CYB5A: variants seen among roughly 807,000 people sequenced by gnomAD.
CYB5A encodes cytochrome b5.
Under a neutral mutation model 16.2 loss-of-function variants are expected in CYB5A, and 10 were observed. That is an observed-to-expected ratio of 0.62 (90% confidence interval 0.38 to 1.04). CYB5A has a LOEUF of 1.04. Among genes scored for constraint, CYB5A ranks in the 50% least tolerant of loss-of-function variants. The probability of loss-of-function intolerance (pLI) is 0.01; values close to 1 mark genes in which losing one functional copy is unlikely to be tolerated. For synonymous variants in CYB5A, 62 were observed against 57.0 expected (o/e 1.09, Z -0.40); for missense variants, 161 against 165.9 (o/e 0.97, Z 0.16).
chr18:74,253,563 C>A lies in CYB5A; in HGVS notation c.*21G>T, dbSNP rs111303909. On this transcript the variant is annotated 3_prime_UTR_variant, in exon 5 of 5. Transcript: ENST00000340533. ...CCGTGTCCAAAGCAGGCTCTTCCTG[C>A]GCTGACTTCTGAGGAGGTGTTCAGT... 1 of 1,566,910 alleles carries A rather than the reference C, an allele frequency of 6.4e-7. No homozygotes were observed. Among genetic ancestry groups the A allele is most frequent in the Non-Finnish European group, 8.8e-7 (1 of 1,138,138 alleles).
chr18:74,275,513 T>C (rs1982836108), intron 1 of CYB5A, among the ~76,000 whole-genome samples: 1 of 152,190 alleles, frequency 6.6e-6, no homozygotes, highest in Non-Finnish European at 1.5e-5. Context: ...ATCACTTCTT[T>C]AGGGCAAATA....
At chr18:74,270,368 T>A (rs1982624448) in intron 1 of CYB5A, among the ~76,000 whole-genome samples, 1 of 152,118 alleles carries the variant, frequency 6.6e-6, no homozygotes, top group African/African-American at 2.4e-5. Flanking sequence ...CGCAGTGAGC[T>A]ATGACTGCAT....
chr18:74,274,415 A>G (rs1400799274), intron 1 of CYB5A, among the ~76,000 whole-genome samples: 1 of 152,252 alleles, frequency 6.6e-6, no homozygotes, highest in Admixed American at 6.5e-5. Flanking sequence ...ATCTATAAAA[A>G]CTGGCAAGAT....
intron 1 of CYB5A, among the ~76,000 whole-genome samples, chr18:74,270,905 TCTCTAA>T (rs1037788423): frequency 1.1e-4 from 16 of 152,194 alleles, no homozygotes; most frequent in African/African-American, 3.9e-4. Flanking sequence ...CATCACTGTT[TCTCTAA>T]CTCTTAGTTC....
rs1599241749 is a variant in CYB5A at position 74,253,167 on chromosome 18, C to T, written c.*417G>A. The T allele has an allele frequency of 4.2e-6, 1 of 239,300 alleles. No homozygotes were observed. The allele number at this position is 239,300 out of a possible 1,614,324, so 14.8% of individuals were successfully genotyped here. A position where few individuals can be genotyped will look rare whatever the true frequency, so the allele number is the denominator to read the frequency against. On this transcript the variant is annotated 3_prime_UTR_variant, in exon 5 of 5. Transcript: ENST00000340533. Reference sequence around the variant, plus strand: ...GACGATGTGAAAGGAGACACTCAAACCTATTTCCCGCACCTCCAGTCATAT... The same window carrying T: ...GACGATGTGAAAGGAGACACTCAAATCTATTTCCCGCACCTCCAGTCATAT...
intron 1 of CYB5A, among the ~76,000 whole-genome samples, chr18:74,286,697 C>G (rs1186417211): frequency 1.3e-5 from 2 of 152,180 alleles, no homozygotes; most frequent in Non-Finnish European, 2.9e-5. Flanking sequence ...GAATGCCCAG[C>G]GGGACAGGGT....
chr18:74,262,606 A>G (rs769727129), intron 2 of CYB5A, among the ~76,000 whole-genome samples: 1 of 152,240 alleles, frequency 6.6e-6, no homozygotes, highest in Non-Finnish European at 1.5e-5. Flanking sequence ...GGCAGAGCTT[A>G]TTCATTTCAC....
At position 74,260,699 on chromosome 18, in the gene CYB5A, C is replaced by T. The variant is rs1599248087; in HGVS notation, c.288+216G>A. 3 of 633,590 alleles carry T rather than the reference C, an allele frequency of 4.7e-6. No homozygotes were observed. The East Asian group carries it at 9.4e-5, about 20-fold the overall frequency. 39.2% of individuals were successfully genotyped at this position (633,590 alleles called of 1,614,324 possible). A position where few individuals can be genotyped will look rare whatever the true frequency, so the allele number is the denominator to read the frequency against. ...TATGATGAAAAAAGTAGTTTACTGA[C>T]AGCCTTAAAAAAATTACACACACGC... On this transcript the variant is annotated intron_variant, in intron 3 of 4. Coordinates refer to ENST00000340533, the MANE Select transcript of CYB5A (RefSeq NM_148923.4).
At chr18:74,255,616 C>T (rs768984187) in intron 4 of CYB5A, 125 bp downstream of exon 4, 14 of 811,214 alleles carry the variant, frequency 1.7e-5, no homozygotes, top group Admixed American at 5.6e-5. Context: ...TGGCCTTCAG[C>T]AGAAGGTTGC....
At chr18:74,255,423 C>T (rs558440072) in intron 4 of CYB5A, among the ~76,000 whole-genome samples, 5 of 152,316 alleles carry the variant, frequency 3.3e-5, no homozygotes, top group Admixed American at 6.5e-5. Context: ...GAAATGTCTG[C>T]TTGGATGAGC....
chr18:74,277,798 T>G (rs1391854423), intron 1 of CYB5A, among the ~76,000 whole-genome samples: 1 of 152,210 alleles, frequency 6.6e-6, no homozygotes, highest in African/African-American at 2.4e-5. Flanking sequence ...ATAGAGGCCC[T>G]GAGGCAGAAC....
chr18:74,289,521 A>G (rs1983446857), intron 1 of CYB5A, among the ~76,000 whole-genome samples: 1 of 152,178 alleles, frequency 6.6e-6, no homozygotes, highest in Admixed American at 6.5e-5. Context: ...CACGCCTGTA[A>G]TCCCAGCACT....
intron 1 of CYB5A, among the ~76,000 whole-genome samples, chr18:74,290,462 C>A (rs113318123): frequency 0.03 from 4,520 of 152,190 alleles, 182 homozygotes; most frequent in East Asian, 0.18. Flanking sequence ...TCAAGCTGGT[C>A]TCGAACTCCT....
chr18:74,280,320 T>C (rs1159658573), intron 1 of CYB5A, among the ~76,000 whole-genome samples: 1 of 151,966 alleles, frequency 6.6e-6, no homozygotes, highest in Non-Finnish European at 1.5e-5. Flanking sequence ...TCCTGGCACT[T>C]TGGGAGGCCA....
chr18:74,281,706 G>T (rs779466816), intron 1 of CYB5A, among the ~76,000 whole-genome samples: 1 of 151,278 alleles, frequency 6.6e-6, no homozygotes, highest in Non-Finnish European at 1.5e-5. Context: ...GCAGAAAAAT[G>T]AGGAAATCCT....
chr18:74,278,647 A>C (rs1982973997), intron 1 of CYB5A, among the ~76,000 whole-genome samples: 1 of 152,248 alleles, frequency 6.6e-6, no homozygotes, highest in African/African-American at 2.4e-5. Context: ...TGATAAAAAT[A>C]ATAGACATTT....
intron 1 of CYB5A, among the ~76,000 whole-genome samples, chr18:74,276,957 GC>G (rs1982906609): frequency 1.3e-5 from 2 of 152,220 alleles, no homozygotes; most frequent in Non-Finnish European, 2.9e-5. Flanking sequence ...TAAATGCAAT[GC>G]TAAGTGACTG....
At chr18:74,275,093 T>C (rs1439170446) in intron 1 of CYB5A, among the ~76,000 whole-genome samples, 1 of 152,194 alleles carries the variant, frequency 6.6e-6, no homozygotes, top group Non-Finnish European at 1.5e-5. Context: ...CAAATGCCTC[T>C]GGAACTTCTC....
In CYB5A at chr18:74,263,331, C is replaced by A. The variant is rs1982288288; in HGVS notation, c.258+18G>T. On this transcript the variant is annotated intron_variant, in intron 2 of 4. Coordinates refer to ENST00000340533, the MANE Select transcript of CYB5A (RefSeq NM_148923.4). ...AGCCTTAAATACAAATAAGAAAGGG[C>A]CCCCAAAATGTACTTACTGGATGGA... 1 of 1,613,586 alleles carries A rather than the reference C, an allele frequency of 6.2e-7. No individual in the cohort carries two copies. Among genetic ancestry groups the A allele is most frequent in the South Asian group, 1.1e-5 (1 of 91,066 alleles).
Sources: allele counts gnomAD v4.1 joint callset (sites outside exome capture counted in the v4.1 genomes callset), GRCh38; gene constraint gnomAD v4.1.1; transcripts MANE v1.5; gene names NCBI Gene and HGNC (gene_info 2026-07-23, HGNC 2026-07-21).